The following NPM1 variants were observed in gnomAD, a reference collection of about 807,000 sequenced individuals.
NPM1 encodes the protein nucleophosmin.
NPM1 carries 1 observed loss-of-function variant against 44.1 expected under a neutral mutation model. The observed-to-expected ratio is 0.02, with a 90% CI of 0.01 to 0.11. The LOEUF is 0.11. Among genes scored for constraint, NPM1 ranks in the 10% least tolerant of loss-of-function variants. The probability of loss-of-function intolerance (pLI) is 1.00; values close to 1 mark genes in which losing one functional copy is unlikely to be tolerated. For synonymous variants in NPM1, 126 were observed against 111.8 expected, an observed-to-expected ratio of 1.13 and a Z score of -0.80; for missense variants, 197 against 347.8, an observed-to-expected ratio of 0.57 and a Z score of 3.45.
At chr5:171,407,974 T>C (rs536020488) in intron 10 of NPM1, among the ~76,000 whole-genome samples, 200 bp downstream of exon 10, 21 of 152,162 alleles carry the variant, frequency 1.4e-4, no homozygotes, top group Non-Finnish European at 2.5e-4. Context: ...GATGATAACT[T>C]TAGTATATTT....
chr5:171,399,320 TAC>T (rs1561870180), intron 6 of NPM1, among the ~76,000 whole-genome samples: 1 of 152,024 alleles, frequency 6.6e-6, no homozygotes, highest in African/African-American at 2.4e-5. Flanking sequence ...GTGGCAGAAT[TAC>T]ACAGTTACAG....
upstream of NPM1, chr5:171,387,678 TACCTGGAAGGAGGTGGGGGCGAGGTAGA>T: frequency 2.0e-6 from 1 of 500,524 alleles, no homozygotes; most frequent in East Asian, 3.4e-5. Context: ...GCCCGCGGAG[TACCTGGAAGGAGGTGGGGGCGAGGTAGA>T]AAGGAGTGGG....
At chr5:171,399,601 C>T (rs945124869) in intron 6 of NPM1, among the ~76,000 whole-genome samples, 2 of 151,946 alleles carry the variant, frequency 1.3e-5, no homozygotes, top group African/African-American at 2.4e-5. Context: ...AGTCTTCTAA[C>T]GATTGTATTT....
chr5:171,392,655 T>C, intron 4 of NPM1, 55 bp from the exon 5 acceptor site: 9 of 1,195,440 alleles, frequency 7.5e-6, no homozygotes, highest in Non-Finnish European at 1.1e-5. Context: ...GTGTTCTTTT[T>C]TTTTCTGACT....
At chr5:171,395,962 A>T (rs1161996559) in intron 6 of NPM1, among the ~76,000 whole-genome samples, 4 of 133,440 alleles carry the variant, frequency 3.0e-5, no homozygotes, top group African/African-American at 8.6e-5. Flanking sequence ...AGTAAAGCTG[A>T]ATTTTTTTTT....
chr5:171,391,057 G>A (rs541302678), intron 2 of NPM1: 11 of 330,942 alleles, frequency 3.3e-5, no homozygotes, highest in Non-Finnish European at 5.0e-5. Context: ...ACTGTGTTTC[G>A]GTTGCTTACA....
intron 6 of NPM1, among the ~76,000 whole-genome samples, chr5:171,395,612 G>A (rs534190601): frequency 1.3e-5 from 2 of 152,326 alleles, no homozygotes; most frequent in South Asian, 4.1e-4. Flanking sequence ...GGTCTGCATA[G>A]TAGTAAAGGA....
At chr5:171,403,657 C>T (rs1288423047) in intron 8 of NPM1, among the ~76,000 whole-genome samples, 2 of 139,820 alleles carry the variant, frequency 1.4e-5, no homozygotes, top group African/African-American at 2.7e-5. Context: ...CCACCTCCCT[C>T]CCGGACGGGG....
chr5:171,399,683 A>AT (rs373293546), intron 6 of NPM1, among the ~76,000 whole-genome samples: 5,347 of 150,324 alleles, frequency 0.036, 236 homozygotes, highest in African/African-American at 0.091. Flanking sequence ...TAGGTCTTTA[A>AT]TTTTTTTTTT....
At chr5:171,400,817 T>G in intron 7 of NPM1, 22 bp from the exon 8 acceptor site, 1 of 1,500,408 alleles carries the variant, frequency 6.7e-7, no homozygotes, top group Non-Finnish European at 9.3e-7. Flanking sequence ...GGACAGTGAT[T>G]AAGATAAATT....
rs1302940930 is a variant in NPM1 at position 171,403,739 on chromosome 5, A to AC, written c.670-1556dup. Among the ~76,000 whole-genome samples the AC allele has an allele frequency of 1.1e-4, 14 of 126,404 alleles. No homozygotes were observed. The South Asian group carries it at 3.2e-3, about 29-fold the overall frequency. The allele number at this position is 126,404 out of a possible 152,430, so 82.9% of individuals were successfully genotyped here. On this transcript the variant is annotated intron_variant, in intron 8 of 10. Coordinates refer to ENST00000296930, the MANE Select transcript of NPM1 (RefSeq NM_002520.7). ...GGGCGGCCGGCCGGGCGGGGGGCTG[A>AC]CCCCCCCACCTCCCTCCCGGACGGG...
chr5:171,389,141 G>C (rs1044299363), intron 1 of NPM1, among the ~76,000 whole-genome samples: 1 of 152,150 alleles, frequency 6.6e-6, no homozygotes, highest in African/African-American at 2.4e-5. Flanking sequence ...AGTCCCACTT[G>C]GGTTTTTGAT....
rs34648553 is a variant in NPM1, at chr5:171,402,053, C to CTT, written c.669+1143_669+1144dup. The stretch of plus-strand genomic sequence containing the variant: ...TTATTCTTAGGGATTTTCTGATTTC[C>CTT]TTTTTTTTTTTTTTTTAACCTGATG... On this transcript the variant is annotated intron_variant, in intron 8 of 10. Coordinates refer to ENST00000296930, the MANE Select transcript of NPM1 (RefSeq NM_002520.7). Among the ~76,000 whole-genome samples, 122 of 133,632 alleles carry CTT rather than the reference C, an allele frequency of 9.1e-4. 2 individuals are homozygous for CTT. The highest frequency in any genetic ancestry group is 2.4e-3 in the African/African-American group (87 of 35,952). The allele number at this position is 133,632 out of a possible 152,430, so 87.7% of individuals were successfully genotyped here. A position where few individuals can be genotyped will look rare whatever the true frequency, so the allele number is the denominator to read the frequency against.
chr5:171,403,734 G>A (rs1394333313), intron 8 of NPM1, among the ~76,000 whole-genome samples: 1 of 144,972 alleles, frequency 6.9e-6, no homozygotes, highest in African/African-American at 2.5e-5. Context: ...CCGGGCGGGG[G>A]GCTGACCCCC....
intron 8 of NPM1, among the ~76,000 whole-genome samples, chr5:171,404,711 ACTC>A (rs1287017088): frequency 7.4e-6 from 1 of 135,776 alleles, no homozygotes; most frequent in Non-Finnish European, 1.6e-5. Flanking sequence ...AGGCAGAGAC[ACTC>A]CTCACTTCCC....
intron 6 of NPM1, among the ~76,000 whole-genome samples, chr5:171,393,697 T>C (rs963559612): frequency 6.6e-6 from 1 of 152,186 alleles, no homozygotes; most frequent in Non-Finnish European, 1.5e-5. Flanking sequence ...AAAACAAATA[T>C]AAGAACATGC....
At chr5:171,394,355 A>G (rs896825509) in intron 6 of NPM1, among the ~76,000 whole-genome samples, 1 of 152,000 alleles carries the variant, frequency 6.6e-6, no homozygotes, top group African/African-American at 2.4e-5. Context: ...TGTATTTTTA[A>G]TAGACATGGG....
chr5:171,401,067 C>T (rs754048043), intron 8 of NPM1, 142 bp downstream of exon 8: 14 of 635,852 alleles, frequency 2.2e-5, no homozygotes, highest in African/African-American at 3.7e-5. Flanking sequence ...AATCAGCTTG[C>T]TGCAGCCAGG....
intron 8 of NPM1, among the ~76,000 whole-genome samples, chr5:171,403,350 AGGCAGAG>A (rs1389874412): frequency 2.2e-5 from 2 of 91,496 alleles, no homozygotes; most frequent in African/African-American, 8.3e-5. Context: ...CAGGATCCCA[AGGCAGAG>A]GAATTTTTCT....
Sources: gnomAD v4.1 joint callset for allele counts (sites outside exome capture counted in the v4.1 genomes callset) on GRCh38, gnomAD v4.1.1 for gene constraint, MANE v1.5 for transcripts, NCBI Gene and HGNC (gene_info 2026-07-23, HGNC 2026-07-21) for gene names.